Variants in HDX observed in about 807,000 individuals in gnomAD.
HDX encodes the protein chromosome X open reading frame 43.
A neutral mutation model predicts 45.2 loss-of-function variants in HDX; 19 were observed. The ratio of observed to expected loss-of-function variants is 0.42; its 90% CI spans 0.29 to 0.62. The LOEUF (loss-of-function observed/expected upper bound fraction) is 0.62, where lower values mean the gene tolerates loss of function less well. Among genes scored for constraint, HDX ranks in the 20% least tolerant of loss-of-function variants. The probability of loss-of-function intolerance (pLI) is 0.20; values close to 1 mark genes in which losing one functional copy is unlikely to be tolerated. For missense variants in HDX, 532 were observed against 493.9 expected (o/e 1.08, Z -0.73); for synonymous variants, 188 against 172.8 (o/e 1.09, Z -0.69).
chrX:84,331,545 A>G (rs1201566174), intron 9 of HDX, among the ~76,000 whole-genome samples: 1 of 111,781 alleles, frequency 8.9e-6, no homozygotes, highest in African/African-American at 3.2e-5. Flanking sequence ...CAGGTAACAC[A>G]TAGGTGAATA....
chrX:84,342,189 T>C (rs2037101191), intron 7 of HDX, among the ~76,000 whole-genome samples: 1 of 111,731 alleles, frequency 9.0e-6, no homozygotes, highest in Non-Finnish European at 1.9e-5. Flanking sequence ...TCTACATGGA[T>C]GTCCAACCAC....
intron 1 of HDX, among the ~76,000 whole-genome samples, chrX:84,501,981 AG>A (rs1351002670): frequency 2.7e-5 from 3 of 111,660 alleles, no homozygotes; most frequent in African/African-American, 9.8e-5. Context: ...GAAATCTAGA[AG>A]TGGTAGAATT....
At chrX:84,418,491 C>A (rs140023556) in intron 5 of HDX, among the ~76,000 whole-genome samples, 2 of 110,941 alleles carry the variant, frequency 1.8e-5, no homozygotes, top group African/African-American at 6.5e-5. Flanking sequence ...TTACTTTTAA[C>A]GGTGAAAATG....
chrX:84,363,186 A>T (rs2037664053), intron 5 of HDX, among the ~76,000 whole-genome samples: 3 of 111,969 alleles, frequency 2.7e-5, no homozygotes, highest in African/African-American at 9.7e-5. Flanking sequence ...GTTTTTTTAA[A>T]TTAAGAAGAC....
rs767036380 is a variant in HDX at position 84,318,769 on chromosome X, A to G, written c.*3120T>C. ...AGAGTACAGGGTATAATTGGGTCTC[A>G]GCCTTTTCTTCTCCAACAATAACAA... On this transcript the variant is annotated 3_prime_UTR_variant, in exon 11 of 11. Transcript: ENST00000373177. 203 of 111,324 alleles carry G rather than the reference A, an allele frequency of 1.8e-3. 2 individuals are homozygous for G. The highest frequency in any genetic ancestry group is 6.4e-3 in the African/African-American group (196 of 30,853). 9.2% of individuals were successfully genotyped at this position (111,324 alleles called of 1,213,427 possible). A position where few individuals can be genotyped will look rare whatever the true frequency, so the allele number is the denominator to read the frequency against.
At chrX:84,356,246 A>T (rs2037481486) in intron 6 of HDX, among the ~76,000 whole-genome samples, 1 of 111,867 alleles carries the variant, frequency 8.9e-6, no homozygotes, top group Admixed American at 9.5e-5. Context: ...TTATGTTGCA[A>T]ACATATTCTC....
chrX:84,340,107 G>A (rs1349789344), intron 7 of HDX, among the ~76,000 whole-genome samples: 2 of 110,320 alleles, frequency 1.8e-5, no homozygotes, highest in East Asian at 5.7e-4. Flanking sequence ...AATGGGAAAG[G>A]GAAGGTGGGA....
chrX:84,439,750 C>T (rs1031682033), intron 5 of HDX, among the ~76,000 whole-genome samples: 1 of 111,030 alleles, frequency 9.0e-6, no homozygotes, highest in Admixed American at 9.6e-5. Context: ...TTCTGTTCTA[C>T]TGGTCTATGT....
At position 84,468,663 on chromosome X, in the gene HDX, T is replaced by A; in HGVS notation, c.1060A>T (p.Met354Leu). ...GPGRNMPNSQ[M>L]VNIRDMSDNV... is the part of the protein sequence containing the mutation. ...TCTGACATATCTCTAATATTCACCA[T>A]TTGTGAATTTGGCATATTTCTTCCT... Residue 354 changes from methionine to leucine, a missense_variant, in exon 4 of 11, where the codon ATG (methionine) becomes TTG (leucine). By Grantham distance (15) the Met-to-Leu change is conservative (BLOSUM62 2). Coordinates refer to ENST00000373177, the MANE Select transcript of HDX (RefSeq NM_001177479.2). The A allele has an allele frequency of 8.3e-7, 1 of 1,207,567 alleles. No homozygotes were observed. Among genetic ancestry groups the A allele is most frequent in the Non-Finnish European group, 1.1e-6 (1 of 891,817 alleles).
chrX:84,345,812 T>TA (rs2037190184), intron 6 of HDX, among the ~76,000 whole-genome samples: 1 of 111,674 alleles, frequency 9.0e-6, no homozygotes, highest in Non-Finnish European at 1.9e-5. Flanking sequence ...CAGTATTTTC[T>TA]AAAAACTTTT....
intron 5 of HDX, among the ~76,000 whole-genome samples, chrX:84,436,501 C>A (rs150910478): frequency 0.015 from 1,619 of 111,095 alleles, 26 homozygotes; most frequent in African/African-American, 0.051. Flanking sequence ...TTGCTGTGAC[C>A]CATAGGTTTT....
chrX:84,332,916 C>A (rs2036875232), intron 9 of HDX, among the ~76,000 whole-genome samples: 1 of 111,682 alleles, frequency 9.0e-6, no homozygotes, highest in African/African-American at 3.2e-5. Flanking sequence ...TGTTGGATGG[C>A]ATACATTTCA....
At chrX:84,370,026 CAT>C (rs1256189770) in intron 5 of HDX, among the ~76,000 whole-genome samples, 1 of 111,991 alleles carries the variant, frequency 8.9e-6, no homozygotes, top group Non-Finnish European at 1.9e-5. Context: ...ATTAGATTAA[CAT>C]ATAAATCAGT....
At chrX:84,489,253 G>A (rs6524308) in intron 1 of HDX, among the ~76,000 whole-genome samples, 44,557 of 110,539 alleles carry the variant, frequency 0.4, 7,845 homozygotes, top group African/African-American at 0.69. Context: ...GTAGTGGAAT[G>A]GAAAGTTGGA....
At chrX:84,456,045 C>T (rs1304395336) in intron 4 of HDX, among the ~76,000 whole-genome samples, 2 of 111,745 alleles carry the variant, frequency 1.8e-5, no homozygotes, top group Non-Finnish European at 3.8e-5. Context: ...TTCATCAATA[C>T]CTTATCTGTC....
rs1899146957 is a variant in HDX at position 84,469,853 on chromosome X, A to G, written c.148-278T>C. ...ACTAATATGTATCAAGAAACCTAAA[A>G]ATGTTTATACACTTTGACATAGTAA... is the stretch of plus-strand genomic sequence containing the variant. On this transcript the variant is annotated intron_variant, in intron 3 of 10. Coordinates refer to ENST00000373177, the MANE Select transcript of HDX (RefSeq NM_001177479.2). Among the ~76,000 whole-genome samples, 4 of 111,837 alleles carry G rather than the reference A, an allele frequency of 3.6e-5. No individual in the cohort carries two copies. The Admixed American group carries it at 3.8e-4, about 11-fold the overall frequency.
At chrX:84,383,474 G>A (rs776776400) in intron 5 of HDX, among the ~76,000 whole-genome samples, 12 of 111,173 alleles carry the variant, frequency 1.1e-4, no homozygotes, top group African/African-American at 9.8e-5. Flanking sequence ...ATATTAATGC[G>A]CATTTCATGG....
At chrX:84,371,284 C>T (rs892000799) in intron 5 of HDX, among the ~76,000 whole-genome samples, 2 of 111,835 alleles carry the variant, frequency 1.8e-5, no homozygotes, top group Non-Finnish European at 3.8e-5. Context: ...ATTCTACCCA[C>T]CTCAGAGGAT....
intron 4 of HDX, among the ~76,000 whole-genome samples, chrX:84,447,568 G>A (rs1278099815): frequency 9.0e-6 from 1 of 111,057 alleles, no homozygotes; most frequent in East Asian, 2.9e-4. Flanking sequence ...TTGCTCCAGA[G>A]AGGGAGCTCA....
Sources: allele counts gnomAD v4.1 joint callset (sites outside exome capture counted in the v4.1 genomes callset), GRCh38; gene constraint gnomAD v4.1.1; transcripts MANE v1.5; gene names NCBI Gene and HGNC (gene_info 2026-07-23, HGNC 2026-07-21).